The following ATRX variants were observed in gnomAD, a reference collection of about 807,000 sequenced individuals.
The protein encoded by ATRX is chromatin remodeler ATRX.
Under a neutral mutation model 172.6 loss-of-function variants are expected in ATRX, and 12 were observed. That is an observed-to-expected ratio of 0.07 (90% CI 0.04 to 0.11). The LOEUF (loss-of-function observed/expected upper bound fraction) is 0.11. Ranked by LOEUF, ATRX falls within the 10% of genes least tolerant of loss-of-function variation. The pLI, the probability that ATRX is intolerant of heterozygous loss-of-function variation, is 1.00. For synonymous variants in ATRX, 674 were observed against 594.7 expected (o/e 1.13, Z -1.94); for missense variants, 1,368 against 1,767.4 (o/e 0.77, Z 4.05).
Position 77,505,108 on chromosome X carries a change from A to G in ATRX, c.*3243T>C, listed in dbSNP as rs1278610481. ...AAATAAAGTAGTAAATACCCTGAAC[A>G]TAATTTTTAGTATAATAAACATGTA... On this transcript the variant is annotated 3_prime_UTR_variant, in exon 35 of 35. Transcript: ENST00000373344. 5.8e-6 allele frequency: 1 copy of G among 171,366 alleles called. No individual in the cohort carries two copies. Among genetic ancestry groups the G allele is most frequent in the Non-Finnish European group, 1.1e-5 (1 of 88,920 alleles). 14.1% of individuals were successfully genotyped at this position (171,366 alleles called of 1,213,427 possible).
At chrX:77,717,107 A>C (rs781809529) in intron 2 of ATRX, 24 bp downstream of exon 2, 1 of 1,122,357 alleles carries the variant, frequency 8.9e-7, no homozygotes, top group Non-Finnish European at 1.2e-6. Flanking sequence ...ACTAGAAGGT[A>C]TAGCACATTC....
At chrX:77,595,235 G>A (rs781851214) in intron 25 of ATRX, 1 of 110,984 alleles carries the variant, frequency 9.0e-6, no homozygotes, top group Non-Finnish European at 1.9e-5. Context: ...AATACTTTCT[G>A]TTCCTAGCTT....
chrX:77,552,299 C>G (rs1411201991), intron 30 of ATRX, among the ~76,000 whole-genome samples: 1 of 109,877 alleles, frequency 9.1e-6, no homozygotes, highest in African/African-American at 3.3e-5. Context: ...ATGATGAGTT[C>G]CTGTCCTTTG....
chrX:77,609,996 A>G (rs782335636), intron 22 of ATRX, among the ~76,000 whole-genome samples: 6 of 112,026 alleles, frequency 5.4e-5, no homozygotes, highest in Non-Finnish European at 1.1e-4. Context: ...AATAATATAA[A>G]TGACTTGTTT....
At chrX:77,551,021 A>G (rs1453629611) in intron 30 of ATRX, among the ~76,000 whole-genome samples, 2 of 111,567 alleles carry the variant, frequency 1.8e-5, no homozygotes, top group African/African-American at 6.5e-5. Flanking sequence ...AATCAATATC[A>G]TGAAAATGGC....
intron 1 of ATRX, among the ~76,000 whole-genome samples, chrX:77,778,518 C>A (rs782407124): frequency 9.1e-6 from 1 of 109,592 alleles, no homozygotes; most frequent in Non-Finnish European, 1.9e-5. Context: ...GTCAGGAGAT[C>A]AAGACCATCC....
chrX:77,569,241 A>G (rs1557066156), intron 28 of ATRX, among the ~76,000 whole-genome samples: 1 of 111,690 alleles, frequency 9.0e-6, no homozygotes, highest in Admixed American at 9.5e-5. Context: ...CACTCTCACC[A>G]TTGCTACTAA....
chrX:77,530,345 G>A (rs1002541159), intron 30 of ATRX, among the ~76,000 whole-genome samples: 4 of 111,619 alleles, frequency 3.6e-5, no homozygotes, highest in Non-Finnish European at 7.5e-5. Flanking sequence ...AGTGGCTCAC[G>A]TCTGTAATCC....
At chrX:77,512,630 A>T (rs1557037066) in intron 34 of ATRX, among the ~76,000 whole-genome samples, 1 of 112,341 alleles carries the variant, frequency 8.9e-6, no homozygotes, top group Non-Finnish European at 1.9e-5. Flanking sequence ...GCGCTTTGGG[A>T]GGCCAAGGTG....
Position 77,684,364 on chromosome X carries a change from T to C in ATRX, c.892A>G (p.Ile298Val). The change falls in exon 9 of 35, where the codon ATA becomes GTA. Residue 298 changes from isoleucine to valine, a missense_variant. Physicochemically the swap from Ile to Val is conservative, Grantham distance 29. Coordinates refer to ENST00000373344, the MANE Select transcript of ATRX (RefSeq NM_000489.6). ...TTACTCTTTTCACTGTCAACTTTTA[T>C]CTTCTTCTTATTTTGCTGCAACAAC... ...EQLLQQNKKK[I>V]KVDSEKSNKV... 2 of 1,210,280 alleles carry C rather than the reference T, an allele frequency of 1.7e-6. No individual in the cohort carries two copies. Among genetic ancestry groups the C allele is most frequent in the Non-Finnish European group, 2.2e-6 (2 of 893,913 alleles).
At chrX:77,593,672 T>TA (rs782269595) in intron 26 of ATRX, 24 bp downstream of exon 26, 1 of 1,178,338 alleles carries the variant, frequency 8.5e-7, no homozygotes, top group Admixed American at 2.2e-5. Flanking sequence ...TTAATTTATA[T>TA]AATAAATATG....
intron 30 of ATRX, among the ~76,000 whole-genome samples, chrX:77,538,371 A>T (rs1189784958): frequency 9.0e-6 from 1 of 110,936 alleles, no homozygotes; most frequent in Non-Finnish European, 1.9e-5. Flanking sequence ...TCAGAAATAC[A>T]AAGTCAAATA....
intron 1 of ATRX, among the ~76,000 whole-genome samples, chrX:77,720,188 A>C (rs1557168054): frequency 8.9e-6 from 1 of 112,286 alleles, no homozygotes; most frequent in Admixed American, 9.5e-5. Context: ...CAGTGTGTAC[A>C]GGGAAATTTA....
intron 2 of ATRX, among the ~76,000 whole-genome samples, chrX:77,703,879 G>C (rs782724117): frequency 9.0e-6 from 1 of 111,209 alleles, no homozygotes; most frequent in African/African-American, 3.3e-5. Flanking sequence ...TAGCAGAGAG[G>C]GTGGTTCTTC....
Position 77,630,246 on chromosome X carries a change from C to A in ATRX, c.5134+2961G>T, listed in dbSNP as rs781993345. Reference sequence around the variant, plus strand: ...TTCATTATTAAAAGAAATTAAAGACCTAAATAAACGGAGAGAAATTAGATG... The same window carrying A: ...TTCATTATTAAAAGAAATTAAAGACATAAATAAACGGAGAGAAATTAGATG... On this transcript the variant is annotated intron_variant, in intron 19 of 34. Coordinates refer to ENST00000373344, the MANE Select transcript of ATRX (RefSeq NM_000489.6). Among the ~76,000 whole-genome samples the A allele has an allele frequency of 9.0e-5, 10 of 111,272 alleles. 1 individual carries two copies. In the South Asian group the frequency reaches 3.7e-3, roughly 41 times the overall value.
chrX:77,668,946 G>A (rs2070403943), intron 10 of ATRX, among the ~76,000 whole-genome samples: 1 of 111,281 alleles, frequency 9.0e-6, no homozygotes. Flanking sequence ...AACAGGAAAG[G>A]AAAGTAAACC....
intron 34 of ATRX, among the ~76,000 whole-genome samples, chrX:77,515,635 G>A (rs1178297364): frequency 4.5e-5 from 5 of 111,615 alleles, no homozygotes; most frequent in Non-Finnish European, 7.5e-5. Context: ...AGCTAGCAGA[G>A]CCATAGCCTG....
chrX:77,779,239 G>A (rs868944720), intron 1 of ATRX, among the ~76,000 whole-genome samples: 5 of 107,669 alleles, frequency 4.6e-5, no homozygotes, highest in Admixed American at 1.0e-4. Context: ...CACGGCGCCC[G>A]GCTCAAATGC....
At chrX:77,723,242 G>A (rs190381231) in intron 1 of ATRX, among the ~76,000 whole-genome samples, 79 of 111,349 alleles carry the variant, frequency 7.1e-4, no homozygotes, top group African/African-American at 1.4e-3. Context: ...ATGACGGGTT[G>A]ATGGGTGCAG....
Sources: allele counts gnomAD v4.1 joint callset (sites outside exome capture counted in the v4.1 genomes callset), GRCh38; gene constraint gnomAD v4.1.1; transcripts MANE v1.5; gene names NCBI Gene and HGNC (gene_info 2026-07-23, HGNC 2026-07-21).